PDE4D: variants seen among roughly 807,000 people sequenced by gnomAD.
The protein encoded by PDE4D is phosphodiesterase 4D.
A neutral mutation model predicts 87.4 loss-of-function variants in PDE4D; 24 were observed. The ratio of observed to expected loss-of-function variants is 0.27; its 90% CI spans 0.20 to 0.39. The LOEUF (loss-of-function observed/expected upper bound fraction) is 0.39, where lower values mean the gene tolerates loss of function less well. Ranked by LOEUF, PDE4D falls within the 10% of genes least tolerant of loss-of-function variation. PDE4D has a pLI of 1.00. For missense variants in PDE4D, 714 were observed against 1,041.0 expected, an observed-to-expected ratio of 0.69 and a Z score of 4.32; for synonymous variants, 384 against 383.2, an observed-to-expected ratio of 1.00 and a Z score of -0.02.
rs563279286 is a variant in PDE4D at position 59,303,937 on chromosome 5, T to C, written c.456-87969A>G. On this transcript the variant is annotated intron_variant, in intron 1 of 14. Transcript: ENST00000340635. Reference sequence around the variant, plus strand: ...TCTAATTCTGTGAAGAATGATGGTGTTATTTTGATGGGGATTGTGTTGAAT... The same window carrying C: ...TCTAATTCTGTGAAGAATGATGGTGCTATTTTGATGGGGATTGTGTTGAAT... Among the ~76,000 whole-genome samples, 3 of 152,068 alleles carry C rather than the reference T, an allele frequency of 2.0e-5. No individual in the cohort carries two copies. The East Asian group carries it at 5.8e-4, about 29-fold the overall frequency.
chr5:59,705,549 G>A (rs913780144), intron 1 of PDE4D, among the ~76,000 whole-genome samples: 10 of 152,002 alleles, frequency 6.6e-5, no homozygotes, highest in African/African-American at 9.7e-5. Context: ...CCCAGGCTAC[G>A]GTAAATATAT....
intron 1 of PDE4D, among the ~76,000 whole-genome samples, chr5:60,458,707 C>T (rs576942488): frequency 2.6e-4 from 40 of 151,880 alleles, no homozygotes; most frequent in Non-Finnish European, 4.7e-4. Context: ...AAAGGAGAGA[C>T]GTGGTAGTGA....
At chr5:59,632,417 G>C (rs1467842736) in intron 1 of PDE4D, among the ~76,000 whole-genome samples, 1 of 152,226 alleles carries the variant, frequency 6.6e-6, no homozygotes, top group Non-Finnish European at 1.5e-5. Context: ...CCCTCCTCAA[G>C]TTGGCCCCTG....
At chr5:60,165,587 T>A (rs924239736) in intron 2 of PDE4D, among the ~76,000 whole-genome samples, 4 of 151,822 alleles carry the variant, frequency 2.6e-5, no homozygotes, top group African/African-American at 7.2e-5. Context: ...AAACTGTAGA[T>A]CATTTGGGGT....
chr5:58,977,643 A>G (rs567591276), intron 11 of PDE4D, among the ~76,000 whole-genome samples: 12 of 152,272 alleles, frequency 7.9e-5, no homozygotes, highest in African/African-American at 2.9e-4. Flanking sequence ...TAGAGTTGCC[A>G]TGAGCTCAGC....
At chr5:60,093,686 T>C (rs946806412) in intron 2 of PDE4D, among the ~76,000 whole-genome samples, 2 of 152,152 alleles carry the variant, frequency 1.3e-5, no homozygotes, top group Admixed American at 6.5e-5. Context: ...TGCCATGCTC[T>C]CTCTAGAAAA....
Position 60,174,292 on chromosome 5 carries a change from G to C in PDE4D, c.42+11265C>G, listed in dbSNP as rs545000207. Among the ~76,000 whole-genome samples, 3 of 152,224 alleles carry C rather than the reference G, an allele frequency of 2.0e-5. No individual in the cohort carries two copies. The East Asian group carries it at 5.8e-4, about 29-fold the overall frequency. On this transcript the variant is annotated intron_variant, in intron 2 of 16. Coordinates refer to the PDE4D transcript ENST00000502484. ...AACAGCATTGTTTAAGGAACATGCA[G>C]TCTCAGAAGGAAATAGCAATAACTA...
intron 3 of PDE4D, among the ~76,000 whole-genome samples, chr5:59,927,173 T>C (rs1011766015): frequency 2.6e-5 from 4 of 152,332 alleles, no homozygotes; most frequent in Non-Finnish European, 5.9e-5. Flanking sequence ...ATTCTCTCCA[T>C]GCTCTTCTTT....
intron 1 of PDE4D, among the ~76,000 whole-genome samples, chr5:59,551,706 C>T (rs1818153681): frequency 6.6e-6 from 1 of 151,928 alleles, no homozygotes; most frequent in Non-Finnish European, 1.5e-5. Flanking sequence ...TCTTGATTTT[C>T]CCATGTTAGC....
At position 58,975,878 on chromosome 5, in the gene PDE4D, C is replaced by T. The variant is rs1173312517; in HGVS notation, c.1831-39G>A. ...ATGCATTCTCTATTCACTCCTGTTC[C>T]TTTTTTTTAAAAAAAAAAACAAAAA... On this transcript the variant is annotated intron_variant, in intron 13 of 14. Coordinates refer to ENST00000340635, the MANE Select transcript of PDE4D (RefSeq NM_001104631.2). This position sits in a 1 kb window ranked among gnomAD's most constrained non-coding sequence, Gnocchi z 4.2. The T allele has an allele frequency of 5.9e-6, 7 of 1,189,318 alleles. No individual in the cohort carries two copies. The African/African-American group carries it at 6.3e-5, about 11-fold the overall frequency. 73.7% of individuals were successfully genotyped at this position (1,189,318 alleles called of 1,614,324 possible).
At chr5:60,155,218 T>C (rs1425291572) in intron 2 of PDE4D, among the ~76,000 whole-genome samples, 2 of 152,214 alleles carry the variant, frequency 1.3e-5, no homozygotes, top group Non-Finnish European at 2.9e-5. Flanking sequence ...CAGGAAGTGA[T>C]TGAGGGTTCT....
Position 59,537,089 on chromosome 5 carries a change from T to C in PDE4D, c.456-321121A>G, listed in dbSNP as rs75665667. 1.1e-3 allele frequency among the ~76,000 whole-genome samples: 171 copies of C among 152,298 alleles called. 2 individuals are homozygous for C. The East Asian group carries it at 0.027, about 24-fold the overall frequency. ...CACATATTTTGCTGAGTGGTTAATA[T>C]AAAAGCTATGATAGAATGTGAGGAT... On this transcript the variant is annotated intron_variant, in intron 1 of 14. Coordinates refer to ENST00000340635, the MANE Select transcript of PDE4D (RefSeq NM_001104631.2).
chr5:59,493,256 ATCC>A (rs1806553813), intron 1 of PDE4D, among the ~76,000 whole-genome samples: 2 of 152,298 alleles, frequency 1.3e-5, no homozygotes, highest in South Asian at 4.1e-4. Context: ...GGTGGCCAAA[ATCC>A]TTTGTTAAGA....
At chr5:59,425,591 A>G (rs776382833) in intron 1 of PDE4D, among the ~76,000 whole-genome samples, 2 of 152,204 alleles carry the variant, frequency 1.3e-5, no homozygotes, top group Non-Finnish European at 2.9e-5. Flanking sequence ...CCTCTTGATA[A>G]AAGCTATAAA....
chr5:60,125,224 C>G (rs1779028443), intron 2 of PDE4D, among the ~76,000 whole-genome samples: 1 of 152,168 alleles, frequency 6.6e-6, no homozygotes, highest in East Asian at 1.9e-4. Flanking sequence ...CTTGATCTCT[C>G]CCTTTCCATT....
At chr5:59,719,701 T>C (rs1336103189) in intron 1 of PDE4D, among the ~76,000 whole-genome samples, 2 of 152,206 alleles carry the variant, frequency 1.3e-5, no homozygotes, top group African/African-American at 2.4e-5. Flanking sequence ...TTTTATCCCA[T>C]GAATACAAGC....
chr5:59,683,816 AATC>A (rs1223613126), intron 1 of PDE4D, among the ~76,000 whole-genome samples: 2 of 152,196 alleles, frequency 1.3e-5, no homozygotes, highest in African/African-American at 4.8e-5. Context: ...TGTTTGGTAG[AATC>A]ATACCATTTT....
intron 1 of PDE4D, among the ~76,000 whole-genome samples, chr5:59,219,467 G>A (rs1299956151): frequency 2.0e-5 from 3 of 151,862 alleles, no homozygotes; most frequent in Admixed American, 2.0e-4. Flanking sequence ...TAATATTACC[G>A]AGAATCTCCA....
chr5:59,591,863 C>G (rs1481617077), intron 1 of PDE4D, among the ~76,000 whole-genome samples: 1 of 152,154 alleles, frequency 6.6e-6, no homozygotes, highest in Non-Finnish European at 1.5e-5. Flanking sequence ...GATATAGAAG[C>G]TACTGTCACC....
Sources: allele counts gnomAD v4.1 joint callset (sites outside exome capture counted in the v4.1 genomes callset), GRCh38; gene constraint gnomAD v4.1.1; non-coding constraint Gnocchi (gnomAD v3.1); transcripts MANE v1.5; gene names NCBI Gene and HGNC (gene_info 2026-07-23, HGNC 2026-07-21).